GAREM1: variants seen among roughly 807,000 people sequenced by gnomAD.
GAREM1 encodes GRB2 associated regulator of MAPK1 subtype 1.
Under a neutral mutation model 71.3 loss-of-function variants are expected in GAREM1, and 26 were observed. The ratio of observed to expected loss-of-function variants is 0.36; its 90% CI spans 0.27 to 0.51. GAREM1 has a LOEUF of 0.51. Ranked by LOEUF, GAREM1 falls within the 20% of genes least tolerant of loss-of-function variation. The probability of loss-of-function intolerance (pLI) is 0.95; values close to 1 mark genes in which losing one functional copy is unlikely to be tolerated. For missense variants in GAREM1, 1,026 were observed against 1,103.1 expected (o/e 0.93, Z 0.99); for synonymous variants, 440 against 433.2 (o/e 1.02, Z -0.20).
At chr18:32,310,464 T>C (rs2047308528) in intron 2 of GAREM1, 141 bp from the exon 3 acceptor site, 2 of 701,350 alleles carry the variant, frequency 2.9e-6, no homozygotes, top group Non-Finnish European at 4.6e-6. Flanking sequence ...AAAAAGGCAT[T>C]ATGGGAGGTT....
chr18:32,355,262 C>T (rs1164823275), intron 2 of GAREM1, among the ~76,000 whole-genome samples: 2 of 152,054 alleles, frequency 1.3e-5, no homozygotes, highest in East Asian at 1.9e-4. Context: ...AAATCTACAT[C>T]TAATTCCTAT....
chr18:32,291,799 T>C (rs1006057458), intron 3 of GAREM1, among the ~76,000 whole-genome samples: 4 of 152,298 alleles, frequency 2.6e-5, no homozygotes, highest in Middle Eastern at 3.4e-3. Flanking sequence ...GCTTCATCCA[T>C]GTCTCTGCAA....
At chr18:32,442,513 G>C (rs1490695758) in intron 1 of GAREM1, among the ~76,000 whole-genome samples, 2 of 151,938 alleles carry the variant, frequency 1.3e-5, no homozygotes, top group Non-Finnish European at 2.9e-5. Flanking sequence ...CATACTAAAG[G>C]ATGAAAAAAC....
chr18:32,333,321 C>T (rs939276251), intron 2 of GAREM1, among the ~76,000 whole-genome samples: 1 of 152,058 alleles, frequency 6.6e-6, no homozygotes, highest in Non-Finnish European at 1.5e-5. Flanking sequence ...AAATGAACAG[C>T]AGACAGAAAG....
intron 3 of GAREM1, among the ~76,000 whole-genome samples, chr18:32,289,012 A>G (rs1157285102): frequency 6.6e-6 from 1 of 152,210 alleles, no homozygotes; most frequent in Non-Finnish European, 1.5e-5. Context: ...TTACAGCTCA[A>G]TTATTTCCTT....
At chr18:32,392,025 C>G (rs1324841377) in intron 2 of GAREM1, among the ~76,000 whole-genome samples, 1 of 152,116 alleles carries the variant, frequency 6.6e-6, no homozygotes, top group Non-Finnish European at 1.5e-5. Flanking sequence ...TAATAACTCT[C>G]TGTGCATTGT....
At chr18:32,297,930 T>C (rs1427025835) in intron 3 of GAREM1, among the ~76,000 whole-genome samples, 3 of 152,210 alleles carry the variant, frequency 2.0e-5, no homozygotes, top group Non-Finnish European at 2.9e-5. Context: ...TAATTTATCT[T>C]TATAAACATA....
chr18:32,273,097 G>C (rs1246231989), intron 4 of GAREM1, among the ~76,000 whole-genome samples: 1 of 152,138 alleles, frequency 6.6e-6, no homozygotes, highest in South Asian at 2.1e-4. Flanking sequence ...ATAGAAATAG[G>C]GCGCATGGAA....
intron 2 of GAREM1, among the ~76,000 whole-genome samples, chr18:32,390,003 C>T (rs563830864): frequency 1.1e-4 from 17 of 151,980 alleles, no homozygotes; most frequent in East Asian, 1.9e-4. Flanking sequence ...CTGGTATCTA[C>T]AAAAAATTGA....
chr18:32,412,081 T>C (rs1368902931), intron 1 of GAREM1: 2 of 716,232 alleles, frequency 2.8e-6, no homozygotes, highest in Non-Finnish European at 5.0e-6. Context: ...TGAGTATTTG[T>C]CTAAAACATG....
intron 2 of GAREM1, among the ~76,000 whole-genome samples, chr18:32,322,994 A>G (rs1283363533): frequency 6.6e-6 from 1 of 152,190 alleles, no homozygotes; most frequent in Non-Finnish European, 1.5e-5. Context: ...AGAAATATAT[A>G]TTTTTGGGAG....
intron 1 of GAREM1, among the ~76,000 whole-genome samples, chr18:32,422,794 G>A (rs1215125756): frequency 6.6e-6 from 1 of 152,170 alleles, no homozygotes; most frequent in Non-Finnish European, 1.5e-5. Flanking sequence ...ACAACTTTGA[G>A]TGGAACAAGA....
chr18:32,425,526 CAG>C (rs560960914), intron 1 of GAREM1, among the ~76,000 whole-genome samples: 163 of 152,142 alleles, frequency 1.1e-3, no homozygotes, highest in African/African-American at 3.2e-3. Context: ...AAGAGAGAAA[CAG>C]GGGGTGGAGA....
intron 1 of GAREM1, among the ~76,000 whole-genome samples, chr18:32,429,378 T>C (rs954647080): frequency 6.6e-6 from 1 of 152,190 alleles, no homozygotes; most frequent in African/African-American, 2.4e-5. Flanking sequence ...ATCATAAGAA[T>C]CAAATAGAAA....
intron 4 of GAREM1, among the ~76,000 whole-genome samples, chr18:32,283,602 A>G (rs919972932): frequency 6.6e-6 from 1 of 152,210 alleles, no homozygotes; most frequent in African/African-American, 2.4e-5. Context: ...TTACAAAGAG[A>G]TAAGAGGACT....
rs2041549051 is a variant in GAREM1, at chr18:32,276,821, T to C, written c.1567-6438A>G. ...TTCTAATGATAGATAGAATCTGAAG[T>C]TATGGCGGCACTGAGATCCCAGATG... On this transcript the variant is annotated intron_variant, in intron 4 of 5. Transcript: ENST00000269209. Among the ~76,000 whole-genome samples the C allele has an allele frequency of 2.0e-5, 3 of 152,044 alleles. No homozygotes were observed. In the South Asian group the frequency reaches 6.2e-4, roughly 32 times the overall value.
chr18:32,369,833 A>C (rs921553908), intron 2 of GAREM1, among the ~76,000 whole-genome samples: 1 of 152,182 alleles, frequency 6.6e-6, no homozygotes, highest in Admixed American at 6.5e-5. Context: ...GGATTTGTCC[A>C]TATTATGTAG....
chr18:32,440,657 T>C (rs2048726680), intron 1 of GAREM1, among the ~76,000 whole-genome samples: 1 of 152,218 alleles, frequency 6.6e-6, no homozygotes, highest in South Asian at 2.1e-4. Flanking sequence ...GTATCCTCAT[T>C]GCCTGTGCAT....
At chr18:32,318,208 G>C (rs2047398388) in intron 2 of GAREM1, among the ~76,000 whole-genome samples, 1 of 152,174 alleles carries the variant, frequency 6.6e-6, no homozygotes, top group Non-Finnish European at 1.5e-5. Context: ...AAAAAGCAAA[G>C]ATGGAAGCTA....
Sources: allele counts gnomAD v4.1 joint callset (sites outside exome capture counted in the v4.1 genomes callset), GRCh38; gene constraint gnomAD v4.1.1; transcripts MANE v1.5; gene names NCBI Gene and HGNC (gene_info 2026-07-23, HGNC 2026-07-21).